TBXAS1: variants seen among roughly 807,000 people sequenced by gnomAD.
TBXAS1 encodes the protein thromboxane-A synthase.
In TBXAS1, 48 loss-of-function variants were observed where a neutral mutation model predicts 60.7. The observed-to-expected ratio is 0.79, with a 90% confidence interval of 0.63 to 1.01. The LOEUF is 1.01. Among genes scored for constraint, TBXAS1 ranks in the 50% least tolerant of loss-of-function variants. TBXAS1 has a pLI of 0.00. For missense variants in TBXAS1, 685 were observed against 686.3 expected (o/e 1.00, Z 0.02); for synonymous variants, 287 against 269.7 (o/e 1.06, Z -0.63).
rs996453220 is a variant in TBXAS1, at chr7:140,020,263, C to T, written c.*164C>T. ...TAACATTTCCTAAATGCTTAATAAA[C>T]GTTTGTTGCACTTGGTTTTGACATT... On this transcript the variant is annotated 3_prime_UTR_variant, in exon 13 of 13. Transcript: ENST00000448866. 5 of 753,428 alleles carry T rather than the reference C, an allele frequency of 6.6e-6. No individual in the cohort carries two copies. Among genetic ancestry groups the T allele is most frequent in the African/African-American group, 5.2e-5 (3 of 58,146 alleles). 46.7% of individuals were successfully genotyped at this position (753,428 alleles called of 1,614,324 possible).
rs1405430768 is a variant in TBXAS1, at chr7:139,984,636, GAGAGAGAA to G, written c.1134+22407_1134+22414del. Among the ~76,000 whole-genome samples the G allele has an allele frequency of 6.7e-3, 475 of 70,954 alleles. 14 individuals carry two copies. The highest frequency in any genetic ancestry group is 0.036 in the East Asian group (67 of 1,880). The allele number at this position is 70,954 out of a possible 152,430, so 46.5% of individuals were successfully genotyped here. ...AGAAAGAGAGAGAGAGAGAGAGAGAGAGAGAGAAAGAAAGAAAGGGAAGGGGGAAAGAA... is the reference window on the plus strand; with the variant it reads ...AGAAAGAGAGAGAGAGAGAGAGAGAGAGAAAGAAAGGGAAGGGGGAAAGAA... On this transcript the variant is annotated intron_variant, in intron 9 of 12. Transcript: ENST00000448866.
intron 10 of TBXAS1, among the ~76,000 whole-genome samples, chr7:140,011,283 A>AC (rs1262628053): frequency 2.9e-3 from 6 of 2,044 alleles, no homozygotes; most frequent in African/African-American, 3.6e-3. Flanking sequence ...TCTCAAAAAA[A>AC]ACAAACAAAC....
At chr7:139,958,087 A>G (rs58944290) in intron 8 of TBXAS1, among the ~76,000 whole-genome samples, 10,712 of 152,288 alleles carry the variant, frequency 0.07, 488 homozygotes, top group Middle Eastern at 0.12. Flanking sequence ...ATAGCCCAGA[A>G]GAATTTTCTG....
At chr7:139,894,035 G>A (rs892399783) in intron 3 of TBXAS1, among the ~76,000 whole-genome samples, 1 of 152,210 alleles carries the variant, frequency 6.6e-6, no homozygotes, top group Admixed American at 6.5e-5. Context: ...GAAGCTGAGG[G>A]CCAGGGGGGA....
At chr7:139,989,592 G>A (rs2117584717) in intron 9 of TBXAS1, among the ~76,000 whole-genome samples, 1 of 152,296 alleles carries the variant, frequency 6.6e-6, no homozygotes, top group South Asian at 2.1e-4. Flanking sequence ...GGTCTTTGCA[G>A]GGGCTTCACC....
intron 4 of TBXAS1, among the ~76,000 whole-genome samples, chr7:139,803,228 T>G (rs1797764426): frequency 1.3e-5 from 2 of 152,114 alleles, no homozygotes; most frequent in Admixed American, 6.5e-5. Flanking sequence ...GACAATAAAG[T>G]ACAGGCTGAG....
At chr7:140,009,835 C>T (rs1465255282) in intron 10 of TBXAS1, among the ~76,000 whole-genome samples, 3 of 121,642 alleles carry the variant, frequency 2.5e-5, no homozygotes, top group African/African-American at 9.6e-5. Context: ...CCACACCTGT[C>T]CCATGCCCGC....
intron 1 of TBXAS1, among the ~76,000 whole-genome samples, chr7:139,850,970 G>A (rs897797236): frequency 6.6e-6 from 1 of 152,172 alleles, no homozygotes; most frequent in African/African-American, 2.4e-5. Context: ...GATAATTTCT[G>A]TTGTTTTAAG....
At chr7:139,942,831 A>T (rs1056495521) in intron 5 of TBXAS1, among the ~76,000 whole-genome samples, 1 of 152,258 alleles carries the variant, frequency 6.6e-6, no homozygotes, top group African/African-American at 2.4e-5. Context: ...AAGAAGGCAC[A>T]GTCAATAATG....
At chr7:139,951,950 A>AAAAAGAAAGAAAGAAAG (rs1221006411) in intron 5 of TBXAS1, among the ~76,000 whole-genome samples, 9 of 42,006 alleles carry the variant, frequency 2.1e-4, no homozygotes, top group African/African-American at 3.6e-4. Flanking sequence ...GGAAAGAAAG[A>AAAAAGAAAGAAAGAAAG]AAAGAAAGAA....
chr7:139,955,188 G>A (rs1184790652), intron 6 of TBXAS1, among the ~76,000 whole-genome samples: 2 of 152,146 alleles, frequency 1.3e-5, no homozygotes, highest in African/African-American at 4.8e-5. Context: ...GAAGGTGGAA[G>A]AGGCTGTGCC....
intron 4 of TBXAS1, among the ~76,000 whole-genome samples, chr7:139,812,927 G>T (rs1259287004): frequency 2.0e-5 from 3 of 151,840 alleles, no homozygotes; most frequent in Non-Finnish European, 4.4e-5. Flanking sequence ...TGTGGTGGTG[G>T]GTGCCTGTAA....
chr7:139,825,510 C>T (rs1271992608), upstream of TBXAS1, among the ~76,000 whole-genome samples: 1 of 152,186 alleles, frequency 6.6e-6, no homozygotes, highest in Non-Finnish European at 1.5e-5. Flanking sequence ...GTTAACTCAG[C>T]GCCCATGGGG....
intron 4 of TBXAS1, among the ~76,000 whole-genome samples, chr7:139,914,890 C>A (rs977955811): frequency 3.9e-5 from 6 of 152,176 alleles, no homozygotes; most frequent in Non-Finnish European, 7.3e-5. Context: ...CACATATTGA[C>A]TCTTCAGCAT....
At chr7:139,894,111 TA>T (rs1420087468) in intron 3 of TBXAS1, among the ~76,000 whole-genome samples, 6 of 152,230 alleles carry the variant, frequency 3.9e-5, no homozygotes, top group Admixed American at 1.3e-4. Flanking sequence ...TCTTGAGAGG[TA>T]GAGCACAGCT....
intron 3 of TBXAS1, among the ~76,000 whole-genome samples, chr7:139,889,462 A>G (rs1193829151): frequency 6.6e-6 from 1 of 152,240 alleles, no homozygotes; most frequent in African/African-American, 2.4e-5. Context: ...AAGAGGTTGA[A>G]CAGGGCAAAG....
chr7:139,792,042 A>G (rs1478271110), intron 4 of TBXAS1, among the ~76,000 whole-genome samples: 1 of 152,192 alleles, frequency 6.6e-6, no homozygotes, highest in Non-Finnish European at 1.5e-5. Flanking sequence ...CATAGAAAGC[A>G]CACCTCAAGA....
chr7:140,003,307 G>A (rs891948996), intron 9 of TBXAS1, among the ~76,000 whole-genome samples: 4 of 151,792 alleles, frequency 2.6e-5, no homozygotes, highest in Non-Finnish European at 2.9e-5. Context: ...CGGTTCAAGC[G>A]ATTCTCCTGC....
intron 9 of TBXAS1, among the ~76,000 whole-genome samples, chr7:139,990,868 G>A (rs1457817228): frequency 6.6e-6 from 1 of 152,168 alleles, no homozygotes; most frequent in African/African-American, 2.4e-5. Context: ...CACCTGGAGG[G>A]ACTCCAGTCC....
Sources: allele counts gnomAD v4.1 joint callset (sites outside exome capture counted in the v4.1 genomes callset), GRCh38; gene constraint gnomAD v4.1.1; transcripts MANE v1.5; gene names NCBI Gene and HGNC (gene_info 2026-07-23, HGNC 2026-07-21).